FHIT: variants seen among roughly 807,000 people sequenced by gnomAD.
FHIT encodes fragile histidine triad diadenosine triphosphatase.
FHIT carries 19 observed loss-of-function variants against 17.9 expected under a neutral mutation model. The ratio of observed to expected loss-of-function variants is 1.06; its 90% CI spans 0.74 to 1.56. The LOEUF is 1.56. Ranked by LOEUF, FHIT falls within the 40% of genes most tolerant of loss-of-function variation. The pLI, the probability that FHIT is intolerant of heterozygous loss-of-function variation, is 0.00. For synonymous variants in FHIT, 81 were observed against 69.7 expected (o/e 1.16, Z -0.81); for missense variants, 248 against 189.2 (o/e 1.31, Z -1.82).
intron 5 of FHIT, among the ~76,000 whole-genome samples, chr3:60,361,727 G>A (rs1238764033): frequency 6.6e-6 from 1 of 152,134 alleles, no homozygotes; most frequent in East Asian, 1.9e-4. Flanking sequence ...ACCCCTCAAT[G>A]ACAGTGAACA....
intron 5 of FHIT, among the ~76,000 whole-genome samples, chr3:60,328,488 A>G (rs776421604): frequency 2.0e-5 from 3 of 152,152 alleles, no homozygotes; most frequent in Admixed American, 6.5e-5. Flanking sequence ...TGCCCTTTAT[A>G]AAACCATTGG....
At chr3:59,986,566 C>T (rs373237603) in intron 7 of FHIT, among the ~76,000 whole-genome samples, 56,553 of 67,724 alleles carry the variant, frequency 0.84, 23,900 homozygotes, top group East Asian at 0.99. Context: ...CACACACACA[C>T]ACATATATAC....
At chr3:60,602,041 TAA>T (rs2038460584) in intron 4 of FHIT, among the ~76,000 whole-genome samples, 2 of 148,942 alleles carry the variant, frequency 1.3e-5, no homozygotes, top group African/African-American at 4.9e-5. Context: ...AAGTAAGCAT[TAA>T]TTTGGAAGAC....
intron 5 of FHIT, among the ~76,000 whole-genome samples, chr3:60,503,456 T>G (rs1286190118): frequency 6.6e-6 from 1 of 152,164 alleles, no homozygotes; most frequent in Non-Finnish European, 1.5e-5. Flanking sequence ...TGTCTCAGTT[T>G]TCTTTGAATA....
intron 3 of FHIT, among the ~76,000 whole-genome samples, chr3:60,992,457 T>C (rs538053378): frequency 1.3e-4 from 20 of 152,316 alleles, no homozygotes; most frequent in African/African-American, 4.8e-4. Context: ...AATAAACAAA[T>C]GGTGACTGCT....
intron 3 of FHIT, chr3:60,912,738 C>T (rs1553766218): frequency 5.8e-6 from 3 of 515,996 alleles, no homozygotes; most frequent in African/African-American, 5.8e-5. Flanking sequence ...CATTAGTTCC[C>T]CCATATATTT....
chr3:61,107,714 T>G (rs1388309709), intron 2 of FHIT, among the ~76,000 whole-genome samples: 2 of 152,170 alleles, frequency 1.3e-5, no homozygotes, highest in African/African-American at 4.8e-5. Flanking sequence ...AATGAACAGT[T>G]TGTGAATCGG....
chr3:59,859,586 G>A (rs1291320555), intron 8 of FHIT, among the ~76,000 whole-genome samples: 1 of 152,170 alleles, frequency 6.6e-6, no homozygotes, highest in Non-Finnish European at 1.5e-5. Context: ...AGGCATGGAG[G>A]TGTGTGCCTG....
chr3:60,472,924 T>C (rs2033161747), intron 5 of FHIT, among the ~76,000 whole-genome samples: 1 of 152,174 alleles, frequency 6.6e-6, no homozygotes, highest in Non-Finnish European at 1.5e-5. Context: ...ATTATTCATT[T>C]AAGTTTTCTG....
chr3:60,506,521 T>C (rs2034737236), intron 5 of FHIT, among the ~76,000 whole-genome samples: 2 of 152,202 alleles, frequency 1.3e-5, no homozygotes, highest in Non-Finnish European at 2.9e-5. Flanking sequence ...TCACAAATAT[T>C]TATTCTCCTC....
At position 59,905,973 on chromosome 3, in the gene FHIT, G is replaced by C. The variant is rs1006662733; in HGVS notation, c.348+16373C>G. On this transcript the variant is annotated intron_variant, in intron 8 of 9. Transcript: ENST00000492590. ...TATGGCCTGTTTTCTGGAAGGTACTGTGTGATTCTGGGACTGGACTTTTCA... is the reference window on the plus strand; with the variant it reads ...TATGGCCTGTTTTCTGGAAGGTACTCTGTGATTCTGGGACTGGACTTTTCA... Among the ~76,000 whole-genome samples the C allele has an allele frequency of 9.9e-5, 15 of 152,172 alleles. 1 individual carries two copies. Among genetic ancestry groups the C allele is most frequent in the Admixed American group, 6.5e-4 (10 of 15,284 alleles).
intron 5 of FHIT, among the ~76,000 whole-genome samples, chr3:60,167,687 A>G (rs531976952): frequency 6.6e-6 from 1 of 152,330 alleles, no homozygotes; most frequent in East Asian, 1.9e-4. Context: ...CTATCCTGCC[A>G]TGAAAGTGGA....
chr3:60,772,811 T>C (rs1468637014), intron 4 of FHIT, among the ~76,000 whole-genome samples: 7 of 152,170 alleles, frequency 4.6e-5, no homozygotes, highest in Non-Finnish European at 8.8e-5. Flanking sequence ...TCAGGTTTTT[T>C]GCATGTCTGG....
chr3:60,921,025 C>T (rs549002354), intron 3 of FHIT, among the ~76,000 whole-genome samples: 4 of 152,216 alleles, frequency 2.6e-5, no homozygotes, highest in Middle Eastern at 6.8e-3. Context: ...TCACTCATTC[C>T]GTAAGATATT....
chr3:60,940,063 A>T (rs1708344217), intron 3 of FHIT, among the ~76,000 whole-genome samples: 1 of 152,158 alleles, frequency 6.6e-6, no homozygotes, highest in Non-Finnish European at 1.5e-5. Flanking sequence ...ATGCTAAAAA[A>T]CCATCCAAAC....
intron 5 of FHIT, among the ~76,000 whole-genome samples, chr3:60,448,807 C>G (rs1351560320): frequency 1.3e-5 from 2 of 152,152 alleles, no homozygotes; most frequent in African/African-American, 2.4e-5. Context: ...CCTACTACAT[C>G]TCACTAAGAA....
chr3:60,602,118 T>A (rs2038463273), intron 4 of FHIT, among the ~76,000 whole-genome samples: 1 of 151,932 alleles, frequency 6.6e-6, no homozygotes, highest in Admixed American at 6.6e-5. Context: ...AAAAGAAAAA[T>A]TCTCAGTTTT....
At chr3:60,110,039 CAGTT>C (rs765690187) in intron 5 of FHIT, among the ~76,000 whole-genome samples, 3 of 152,184 alleles carry the variant, frequency 2.0e-5, no homozygotes, top group Non-Finnish European at 2.9e-5. Context: ...TTCACGCACT[CAGTT>C]AGGCCTAAAT....
chr3:60,128,112 G>A (rs1364616329), intron 5 of FHIT, among the ~76,000 whole-genome samples: 4 of 152,326 alleles, frequency 2.6e-5, no homozygotes, highest in African/African-American at 7.2e-5. Flanking sequence ...AATATGAAAT[G>A]AGAATAAATG....
Sources: gnomAD v4.1 joint callset for allele counts (sites outside exome capture counted in the v4.1 genomes callset) on GRCh38, gnomAD v4.1.1 for gene constraint, MANE v1.5 for transcripts, NCBI Gene and HGNC (gene_info 2026-07-23, HGNC 2026-07-21) for gene names.